Variants in DIAPH2 observed in about 807,000 individuals in gnomAD.
DIAPH2 encodes the protein protein diaphanous homolog 2.
In DIAPH2, 35 loss-of-function variants were observed where a neutral mutation model predicts 92.7. That is an observed-to-expected ratio of 0.38 (90% CI 0.29 to 0.50). The LOEUF is 0.50. Among genes scored for constraint, DIAPH2 ranks in the 20% least tolerant of loss-of-function variants. The pLI, the probability that DIAPH2 is intolerant of heterozygous loss-of-function variation, is 0.94. For missense variants in DIAPH2, 701 were observed against 819.5 expected (o/e 0.86, Z 1.77); for synonymous variants, 301 against 280.4 (o/e 1.07, Z -0.73).
At chrX:97,227,731 A>G (rs2067976453) in intron 22 of DIAPH2, among the ~76,000 whole-genome samples, 1 of 111,937 alleles carries the variant, frequency 8.9e-6, no homozygotes, top group Non-Finnish European at 1.9e-5. Context: ...GCAAATCAAG[A>G]AGATTTTTTT....
intron 21 of DIAPH2, among the ~76,000 whole-genome samples, chrX:97,133,899 C>G (rs1008763385): frequency 1.8e-5 from 2 of 112,006 alleles, no homozygotes; most frequent in African/African-American, 6.5e-5. Context: ...TATTTAGATA[C>G]AAGAACTTTT....
At chrX:97,587,808 C>A (rs140415235) in intron 26 of DIAPH2, among the ~76,000 whole-genome samples, 1 of 111,787 alleles carries the variant, frequency 8.9e-6, no homozygotes, top group Non-Finnish European at 1.9e-5. Flanking sequence ...GTATCGGGTG[C>A]CATTCTGGTC....
At chrX:96,922,969 C>T (rs2065555824) in intron 9 of DIAPH2, among the ~76,000 whole-genome samples, 1 of 110,930 alleles carries the variant, frequency 9.0e-6, no homozygotes, top group African/African-American at 3.3e-5. Context: ...AAAAGGGCTT[C>T]CAGGAGGTAA....
At chrX:97,410,415 G>A (rs774185162) in intron 25 of DIAPH2, among the ~76,000 whole-genome samples, 4 of 111,760 alleles carry the variant, frequency 3.6e-5, no homozygotes, top group Admixed American at 1.9e-4. Context: ...GGTCACCAGC[G>A]TCAATGACCA....
At chrX:96,807,833 A>G (rs2064639399) in intron 4 of DIAPH2, among the ~76,000 whole-genome samples, 1 of 106,151 alleles carries the variant, frequency 9.4e-6, no homozygotes, top group Non-Finnish European at 1.9e-5. Flanking sequence ...TTTCCTACTG[A>G]TAAGAGTAGA....
At chrX:97,082,987 A>G (rs1378990289) in intron 19 of DIAPH2, among the ~76,000 whole-genome samples, 1 of 112,396 alleles carries the variant, frequency 8.9e-6, no homozygotes, top group Admixed American at 9.4e-5. Context: ...CAAATTATAC[A>G]CTTTTGTAAT....
At chrX:97,451,691 C>T in intron 26 of DIAPH2, among the ~76,000 whole-genome samples, 1 of 111,347 alleles carries the variant, frequency 9.0e-6, no homozygotes, top group African/African-American at 3.3e-5. Flanking sequence ...ATTGAACTTA[C>T]AGTTGCATTG....
At chrX:97,201,489 T>C (rs2067749922) in intron 22 of DIAPH2, among the ~76,000 whole-genome samples, 2 of 107,779 alleles carry the variant, frequency 1.9e-5, no homozygotes, top group Admixed American at 1.0e-4. Flanking sequence ...CTGATGGAGC[T>C]GAAAAACACA....
intron 4 of DIAPH2, among the ~76,000 whole-genome samples, chrX:96,846,158 T>A (rs1438670839): frequency 1.2e-5 from 1 of 83,194 alleles, no homozygotes; most frequent in East Asian, 4.0e-4. Flanking sequence ...TTTTTTTTTT[T>A]TATATTGAGA....
chrX:96,708,834 A>G (rs911558792), intron 1 of DIAPH2, among the ~76,000 whole-genome samples: 4 of 111,555 alleles, frequency 3.6e-5, no homozygotes, highest in Admixed American at 9.5e-5. Context: ...AATTGTTTCT[A>G]CTTTTCAAGT....
chrX:96,870,850 G>A lies in DIAPH2; in HGVS notation c.448-10729G>A, dbSNP rs72614309. Among the ~76,000 whole-genome samples, 16 of 111,909 alleles carry A rather than the reference G, an allele frequency of 1.4e-4. No individual in the cohort carries two copies. The East Asian group carries it at 2.5e-3, about 18-fold the overall frequency. ...TATAGCTTCATTACCTACTTAAAATGCAGTTTATATCTAGGCTGTAGGATA... is the reference window on the plus strand; with the variant it reads ...TATAGCTTCATTACCTACTTAAAATACAGTTTATATCTAGGCTGTAGGATA... On this transcript the variant is annotated intron_variant, in intron 4 of 26. Coordinates refer to ENST00000324765, the MANE Select transcript of DIAPH2 (RefSeq NM_006729.5).
chrX:96,969,220 T>A (rs1424898099), intron 17 of DIAPH2, among the ~76,000 whole-genome samples: 2 of 112,151 alleles, frequency 1.8e-5, no homozygotes, highest in Non-Finnish European at 3.8e-5. Flanking sequence ...TCTTTTCTGA[T>A]TCCATGTGAA....
At chrX:97,146,947 T>TA (rs2067251962) in intron 22 of DIAPH2, among the ~76,000 whole-genome samples, 1 of 111,615 alleles carries the variant, frequency 9.0e-6, no homozygotes, top group Non-Finnish European at 1.9e-5. Context: ...GGGAAAAGTT[T>TA]ATGAAGCATT....
chrX:96,775,536 C>T (rs1324992027), intron 4 of DIAPH2, among the ~76,000 whole-genome samples: 1 of 110,780 alleles, frequency 9.0e-6, no homozygotes, highest in Non-Finnish European at 1.9e-5. Context: ...CTTCATCATA[C>T]CAACTAGAAA....
At chrX:97,156,177 G>T (rs2067321339) in intron 22 of DIAPH2, among the ~76,000 whole-genome samples, 1 of 112,121 alleles carries the variant, frequency 8.9e-6, no homozygotes. Flanking sequence ...ATAAAGCCTA[G>T]AAAAGTGAAA....
At chrX:97,377,172 A>G (rs1467802270) in intron 24 of DIAPH2, among the ~76,000 whole-genome samples, 1 of 111,937 alleles carries the variant, frequency 8.9e-6, no homozygotes, top group African/African-American at 3.2e-5. Context: ...TGTGATAACA[A>G]TGCCTTCTTC....
intron 17 of DIAPH2, among the ~76,000 whole-genome samples, chrX:97,040,747 G>A (rs1341416771): frequency 1.8e-5 from 2 of 108,849 alleles, no homozygotes; most frequent in African/African-American, 6.7e-5. Flanking sequence ...AATAATAAAC[G>A]TTTAGCTTTT....
intron 23 of DIAPH2, among the ~76,000 whole-genome samples, chrX:97,299,932 T>C (rs1043977249): frequency 4.2e-4 from 47 of 112,147 alleles, no homozygotes; most frequent in African/African-American, 1.5e-3. Context: ...ATGACAATTT[T>C]CTCTTTGTCT....
chrX:97,045,665 C>T (rs893718585), intron 17 of DIAPH2, among the ~76,000 whole-genome samples: 6 of 107,816 alleles, frequency 5.6e-5, no homozygotes, highest in Non-Finnish European at 1.1e-4. Context: ...AAGGAGAGTA[C>T]GATCAAATGA....
Sources: gnomAD v4.1 joint callset for allele counts (sites outside exome capture counted in the v4.1 genomes callset) on GRCh38, gnomAD v4.1.1 for gene constraint, MANE v1.5 for transcripts, NCBI Gene and HGNC (gene_info 2026-07-23, HGNC 2026-07-21) for gene names.